The following PTK7 variants were observed in gnomAD, a reference collection of about 807,000 sequenced individuals.
PTK7 encodes the protein inactive tyrosine-protein kinase 7.
PTK7 carries 39 observed loss-of-function variants against 116.6 expected under a neutral mutation model. The ratio of observed to expected loss-of-function variants is 0.33; its 90% CI spans 0.26 to 0.44. PTK7 has a LOEUF of 0.44. PTK7 is among the 20% of genes least tolerant of loss of function. The pLI is 1.00. For synonymous variants in PTK7, 546 were observed against 563.6 expected (o/e 0.97, Z 0.44); for missense variants, 1,169 against 1,425.6 (o/e 0.82, Z 2.90).
chr6:43,114,626 AT>A (rs1427993488), intron 1 of PTK7, among the ~76,000 whole-genome samples: 1 of 151,282 alleles, frequency 6.6e-6, no homozygotes, highest in African/African-American at 2.4e-5. Flanking sequence ...GTTTTTTGTC[AT>A]TTTTTTGGCT....
chr6:43,130,097 A>G, intron 3 of PTK7, 133 bp from the exon 4 acceptor site: 1 of 980,250 alleles, frequency 1.0e-6, no homozygotes, highest in Non-Finnish European at 1.5e-6. Context: ...CCCTTTTGCA[A>G]GTCCCTTCCC....
chr6:43,080,633 G>C (rs2150367372), intron 1 of PTK7, among the ~76,000 whole-genome samples: 1 of 152,132 alleles, frequency 6.6e-6, no homozygotes, highest in East Asian at 1.9e-4. Flanking sequence ...TCCTAGAGTT[G>C]TGCTGAGGAT....
At chr6:43,126,117 C>T (rs1476963336) in intron 1 of PTK7, among the ~76,000 whole-genome samples, 1 of 151,992 alleles carries the variant, frequency 6.6e-6, no homozygotes, top group Non-Finnish European at 1.5e-5. Context: ...GTCAGGAGCT[C>T]GAGACTAGCC....
rs147945240 is a variant in PTK7 at position 43,139,458 on chromosome 6, C to G, written c.1551C>G (p.Asp517Glu). ...PPQPQQCMEF[D>E]KEATVPCSAT... ...AGCCACAGCAGTGCATGGAGTTTGACAAGGAGGCCACGGTGCCCTGTTCAG... is the reference window on the plus strand; with the variant it reads ...AGCCACAGCAGTGCATGGAGTTTGAGAAGGAGGCCACGGTGCCCTGTTCAG... Residue 517 changes from aspartate to glutamate, a missense_variant, in exon 10 of 20, where the codon GAC becomes GAG. Physicochemically the swap from Asp to Glu is conservative, Grantham distance 45 (BLOSUM62 2). Transcript: ENST00000230419. This position sits in a 1 kb window ranked among gnomAD's most constrained non-coding sequence, Gnocchi z 4.6. 12 of 1,614,106 alleles carry G rather than the reference C, an allele frequency of 7.4e-6. No individual in the cohort carries two copies. Among genetic ancestry groups the G allele is most frequent in the Admixed American group, 3.3e-5 (2 of 60,004 alleles).
chr6:43,091,607 A>C (rs2150378880), intron 1 of PTK7, among the ~76,000 whole-genome samples: 1 of 152,358 alleles, frequency 6.6e-6, no homozygotes, highest in African/African-American at 2.4e-5. Flanking sequence ...ATTGGGATGT[A>C]ACTTATAATT....
In PTK7 at chr6:43,159,770, G is replaced by T. The variant is rs778247170; in HGVS notation, c.2874-18G>T. The T allele has an allele frequency of 2.5e-6, 4 of 1,614,068 alleles. No individual in the cohort carries two copies. In the South Asian group the frequency reaches 4.4e-5, roughly 18 times the overall value. On this transcript the variant is annotated intron_variant, in intron 18 of 19. Transcript: ENST00000230419. ...CGCTCCCACCCCACCTCACCCCTGG[G>T]TTGCTTCTCTCCTGCAGTGAGTACT...
At chr6:43,104,243 G>A (rs1767741748) in intron 1 of PTK7, among the ~76,000 whole-genome samples, 1 of 152,080 alleles carries the variant, frequency 6.6e-6, no homozygotes, top group African/African-American at 2.4e-5. Flanking sequence ...TGGACAATAA[G>A]AAATTTAGGG....
chr6:43,097,551 A>T (rs971474856), intron 1 of PTK7, among the ~76,000 whole-genome samples: 2 of 152,172 alleles, frequency 1.3e-5, no homozygotes, highest in Non-Finnish European at 2.9e-5. Flanking sequence ...ATGACCAAAA[A>T]AGTTTCTGAA....
At position 43,129,253 on chromosome 6, in the gene PTK7, T is replaced by C. The variant is rs770013036; in HGVS notation, c.356T>C (p.Phe119Ser). ...GAAGCCCGCAGTGCCAACGCCTCCT[T>C]CAACATCAAATGTGAGAGCCAGGGG... Reference protein sequence around the residue: ...GEEARSANASFNIKWIEAGPV... With the variant: ...GEEARSANASSNIKWIEAGPV... The change falls in exon 2 of 20, where the codon TTC becomes TCC. Residue 119 changes from phenylalanine to serine, a missense_variant. Physicochemically the swap from Phe to Ser is radical, Grantham distance 155. Around this residue, in one of 3 missense-constraint regions of PTK7, gnomAD observed 487 missense variants for 549.8 expected, o/e 0.89. Coordinates refer to ENST00000230419, the MANE Select transcript of PTK7 (RefSeq NM_002821.5). The surrounding 1 kb of genome is among the most constrained non-coding windows in gnomAD (Gnocchi z 4.5). The C allele has an allele frequency of 6.2e-7, 1 of 1,614,036 alleles. No individual in the cohort carries two copies.
At position 43,142,052 on chromosome 6, in the gene PTK7, C is replaced by T. The variant is rs1221756421; in HGVS notation, c.1890C>T (p.Arg630=). 2 of 1,613,892 alleles carry T rather than the reference C, an allele frequency of 1.2e-6. No homozygotes were observed. Among genetic ancestry groups the T allele is most frequent in the East Asian group, 2.2e-5 (1 of 44,878 alleles). ...KPLIQWKGKD[R]ILDPTKLGPR... ...TGATTCAGTGGAAAGGCAAGGACCGCATCCTGGACCCCACCAAGCTGGGAC... is the reference window on the plus strand; with the variant it reads ...TGATTCAGTGGAAAGGCAAGGACCGTATCCTGGACCCCACCAAGCTGGGAC... Residue 630 remains arginine (R), a synonymous_variant, in exon 12 of 20, where the codon CGC becomes CGT. Coordinates refer to ENST00000230419, the MANE Select transcript of PTK7 (RefSeq NM_002821.5).
chr6:43,122,606 C>CTTT (rs750933412), intron 1 of PTK7, among the ~76,000 whole-genome samples: 22 of 123,804 alleles, frequency 1.8e-4, no homozygotes, highest in African/African-American at 5.4e-4. Flanking sequence ...GGGACTGAAT[C>CTTT]TTTTTTTTTT....
At chr6:43,147,025 G>A (rs959622436) in intron 17 of PTK7, among the ~76,000 whole-genome samples, 1 of 152,228 alleles carries the variant, frequency 6.6e-6, no homozygotes, top group African/African-American at 2.4e-5. Context: ...CAGGACGCCT[G>A]CCCACCTGCA....
intron 7 of PTK7, chr6:43,133,836 G>A (rs1052556040): frequency 2.0e-5 from 3 of 152,200 alleles, no homozygotes; most frequent in Non-Finnish European, 4.4e-5. Context: ...CTTTGTAAAT[G>A]TGAAGTTGTG....
In PTK7 at chr6:43,112,496, A is replaced by G. The variant is rs372296884; in HGVS notation, c.80-16481A>G. On this transcript the variant is annotated intron_variant, in intron 1 of 19. Transcript: ENST00000230419. ...CCAGGGCCCGGGTCTCACATTGTCT[A>G]TCTGTCTCTCTCTCTCTGTCTTTCA... Among the ~76,000 whole-genome samples, 5 of 151,466 alleles carry G rather than the reference A, an allele frequency of 3.3e-5. No homozygotes were observed. In the East Asian group the frequency reaches 9.7e-4, roughly 29 times the overall value.
At chr6:43,138,189 GT>G (rs1333248610) in intron 7 of PTK7, among the ~76,000 whole-genome samples, 1 of 147,604 alleles carries the variant, frequency 6.8e-6, no homozygotes, top group African/African-American at 2.5e-5. Flanking sequence ...TGTTTTTTTT[GT>G]TTTTTTAGAG....
At chr6:43,080,795 A>T (rs1210720929) in intron 1 of PTK7, among the ~76,000 whole-genome samples, 1 of 152,180 alleles carries the variant, frequency 6.6e-6, no homozygotes, top group Non-Finnish European at 1.5e-5. Flanking sequence ...TACAAAAATT[A>T]GCTGGGTGTG....
At chr6:43,092,666 A>G (rs190045411) in intron 1 of PTK7, among the ~76,000 whole-genome samples, 6 of 152,300 alleles carry the variant, frequency 3.9e-5, no homozygotes, top group Admixed American at 2.6e-4. Flanking sequence ...ATAATGGAGC[A>G]TCTTCTAAAT....
Position 43,159,774 on chromosome 6 carries a change from C to G in PTK7, c.2874-14C>G. On this transcript the variant is annotated splice_polypyrimidine_tract_variant and intron_variant, in intron 18 of 19. Transcript: ENST00000230419. ...CCCACCCCACCTCACCCCTGGGTTG[C>G]TTCTCTCCTGCAGTGAGTACTACCA... is the stretch of plus-strand genomic sequence containing the variant. The G allele has an allele frequency of 6.2e-7, 1 of 1,614,156 alleles. No individual in the cohort carries two copies. The highest frequency in any genetic ancestry group is 8.5e-7 in the Non-Finnish European group (1 of 1,179,998).
At chr6:43,126,531 T>C (rs1430709184) in intron 1 of PTK7, among the ~76,000 whole-genome samples, 3 of 152,134 alleles carry the variant, frequency 2.0e-5, no homozygotes, top group African/African-American at 7.2e-5. Context: ...CTGCAAGAGG[T>C]GTGTCCACAC....
Sources: gnomAD v4.1 joint callset for allele counts (sites outside exome capture counted in the v4.1 genomes callset) on GRCh38, gnomAD v4.1.1 for gene constraint, gnomAD v4.1.1 regional missense constraint, Gnocchi (gnomAD v3.1) non-coding constraint, MANE v1.5 for transcripts, NCBI Gene and HGNC (gene_info 2026-07-23, HGNC 2026-07-21) for gene names.